The following TMPRSS9 variants were observed in gnomAD, a reference collection of about 807,000 sequenced individuals.
TMPRSS9 encodes the protein transmembrane protease serine 9.
A neutral mutation model predicts 111.4 loss-of-function variants in TMPRSS9; 113 were observed. The observed-to-expected ratio is 1.01, with a 90% CI of 0.87 to 1.19. TMPRSS9 has a LOEUF of 1.19. Among genes scored for constraint, TMPRSS9 ranks in the 50% most tolerant of loss-of-function variants. The pLI is 0.00. For synonymous variants in TMPRSS9, 805 were observed against 659.1 expected (o/e 1.22, Z -3.39); for missense variants, 1,803 against 1,513.1 (o/e 1.19, Z -3.18).
chr19:2,395,156 G>A (rs542854963), intron 1 of TMPRSS9, among the ~76,000 whole-genome samples: 16 of 152,214 alleles, frequency 1.1e-4, no homozygotes, highest in Non-Finnish European at 1.8e-4. Flanking sequence ...AGTGGCTCAC[G>A]CCTGTAATCT....
Position 2,405,696 on chromosome 19 carries a change from T to G in TMPRSS9, c.842+151T>G, listed in dbSNP as rs929546233. 4 of 763,292 alleles carry G rather than the reference T, an allele frequency of 5.2e-6. No individual in the cohort carries two copies. The African/African-American group carries it at 7.6e-5, about 15-fold the overall frequency. 47.3% of individuals were successfully genotyped at this position (763,292 alleles called of 1,614,324 possible). A position where few individuals can be genotyped will look rare whatever the true frequency, so the allele number is the denominator to read the frequency against. ...TTCTTGCTTTTGCTGTTGTTGAATC[T>G]GAGGGCATTCTTTTTTTTTTTTTTT... On this transcript the variant is annotated intron_variant, in intron 7 of 17. Coordinates refer to ENST00000648592, the Ensembl canonical transcript of TMPRSS9.
intron 1 of TMPRSS9, among the ~76,000 whole-genome samples, chr19:2,363,182 C>T (rs539556008): frequency 2.6e-5 from 4 of 152,278 alleles, no homozygotes; most frequent in African/African-American, 7.2e-5. Context: ...CGCTGGGTCC[C>T]GTCCCTAAAG....
At chr19:2,384,091 C>T (rs999746214) in intron 1 of TMPRSS9, among the ~76,000 whole-genome samples, 2 of 152,264 alleles carry the variant, frequency 1.3e-5, no homozygotes, top group Non-Finnish European at 2.9e-5. Context: ...CACGTGGGCA[C>T]GTCCAGGGGA....
At chr19:2,418,606 T>C (rs1315472162) in intron 13 of TMPRSS9, among the ~76,000 whole-genome samples, 2 of 8,452 alleles carry the variant, frequency 2.4e-4, no homozygotes, top group African/African-American at 3.9e-4. Flanking sequence ...CTCCCTTTCC[T>C]TCCCTCCCTC....
exon 2 of TMPRSS9, chr19:2,396,550 A>C: frequency 6.2e-7 from 1 of 1,608,476 alleles, no homozygotes. Context: ...CTTCCTCTCT[A>C]CACAGGGCTT....
At chr19:2,401,676 C>T (rs1014199474) in intron 4 of TMPRSS9, among the ~76,000 whole-genome samples, 1 of 150,630 alleles carries the variant, frequency 6.6e-6, no homozygotes, top group Admixed American at 6.6e-5. Context: ...GGTGTGATCT[C>T]GGCTCACTGC....
chr19:2,417,836 A>G (rs1190087697), intron 12 of TMPRSS9, among the ~76,000 whole-genome samples, 166 bp from the exon 14 acceptor site: 1 of 152,006 alleles, frequency 6.6e-6, no homozygotes, highest in Admixed American at 6.6e-5. Flanking sequence ...CATCAGGCCC[A>G]CCTCCTCCTC....
chr19:2,361,415 A>G (rs1199647377), intron 1 of TMPRSS9, among the ~76,000 whole-genome samples: 2 of 151,290 alleles, frequency 1.3e-5, no homozygotes, highest in Admixed American at 6.6e-5. Flanking sequence ...GGTGCCAGGC[A>G]TCTGACTGGA....
intron 11 of TMPRSS9, 76 bp downstream of exon 12, chr19:2,415,917 C>G: frequency 6.8e-7 from 1 of 1,475,910 alleles, no homozygotes; most frequent in Non-Finnish European, 9.0e-7. Context: ...AACCATCCTG[C>G]TGGGGCTGCT....
chr19:2,413,283 C>G (rs571520662), intron 9 of TMPRSS9, among the ~76,000 whole-genome samples: 1 of 152,060 alleles, frequency 6.6e-6, no homozygotes, highest in Non-Finnish European at 1.5e-5. Context: ...TGAGGCCGGA[C>G]GAGTGACAGC....
chr19:2,424,433 C>A (rs1381628699), intron 15 of TMPRSS9, among the ~76,000 whole-genome samples, 176 bp downstream of exon 16: 2 of 148,958 alleles, frequency 1.3e-5, no homozygotes, highest in African/African-American at 4.9e-5. Flanking sequence ...TCGCTCCCTG[C>A]AGCCCTCCCC....
intron 4 of TMPRSS9, among the ~76,000 whole-genome samples, chr19:2,401,231 G>A (rs1184324984): frequency 3.3e-5 from 5 of 151,928 alleles, no homozygotes; most frequent in African/African-American, 7.3e-5. Context: ...CCGAGATCGC[G>A]CCACTGCTCT....
exon 7 of TMPRSS9, chr19:2,405,435 C>T (rs764327784): frequency 5.0e-6 from 8 of 1,607,852 alleles, no homozygotes. Context: ...TGGAAGCATC[C>T]CCGGGGGAGT....
intron 11 of TMPRSS9, chr19:2,416,099 C>G (rs1971224959): frequency 2.2e-6 from 1 of 445,054 alleles, no homozygotes; most frequent in African/African-American, 2.0e-5. Flanking sequence ...GATTCCCAGG[C>G]ATGGTGGCCC....
intron 1 of TMPRSS9, among the ~76,000 whole-genome samples, chr19:2,374,493 GA>G (rs1242118424): frequency 1.3e-5 from 2 of 151,846 alleles, no homozygotes; most frequent in Non-Finnish European, 2.9e-5. Flanking sequence ...AGGATTGCTT[GA>G]ACCTGGGAGG....
chr19:2,399,316 G>C, intron 4 of TMPRSS9, 123 bp downstream of exon 5: 1 of 1,300,352 alleles, frequency 7.7e-7, no homozygotes, highest in Non-Finnish European at 1.0e-6. Flanking sequence ...GGGTGTGGTG[G>C]CTCATGCCTG....
At chr19:2,403,269 G>A in intron 6 of TMPRSS9, 74 bp downstream of exon 7, 1 of 1,278,552 alleles carries the variant, frequency 7.8e-7, no homozygotes, top group East Asian at 2.5e-5. Flanking sequence ...CTGGTCTGTG[G>A]TCACTGTGCT....
intron 6 of TMPRSS9, 60 bp downstream of exon 7, chr19:2,403,255 G>A: frequency 1.4e-6 from 2 of 1,393,902 alleles, no homozygotes; most frequent in Non-Finnish European, 2.0e-6. Flanking sequence ...GTCAGCTGCT[G>A]GCTCTGGTCT....
At chr19:2,390,001 G>T in intron 1 of TMPRSS9, 74 bp downstream of exon 2, 1 of 1,541,762 alleles carries the variant, frequency 6.5e-7, no homozygotes, top group South Asian at 1.2e-5. Context: ...TGACTTGATG[G>T]TGTCTCCTTG....
Sources: allele counts gnomAD v4.1 joint callset (sites outside exome capture counted in the v4.1 genomes callset), GRCh38; gene constraint gnomAD v4.1.1; transcripts MANE v1.5; gene names NCBI Gene and HGNC (gene_info 2026-07-23, HGNC 2026-07-21).